Variants in NPFFR2 observed in about 807,000 individuals in gnomAD.
The protein encoded by NPFFR2 is G-protein coupled receptor 74.
NPFFR2 carries 15 observed loss-of-function variants against 13.1 expected under a neutral mutation model. The ratio of observed to expected loss-of-function variants is 1.15; its 90% CI spans 0.77 to 1.76. The LOEUF (loss-of-function observed/expected upper bound fraction) is 1.76. NPFFR2 is among the 40% of genes most tolerant of loss of function. The probability of loss-of-function intolerance (pLI) is 0.00; values close to 1 mark genes in which losing one functional copy is unlikely to be tolerated. For missense variants in NPFFR2, 572 were observed against 503.5 expected, an observed-to-expected ratio of 1.14 and a Z score of -1.30; for synonymous variants, 190 against 175.7, an observed-to-expected ratio of 1.08 and a Z score of -0.65.
intron 1 of NPFFR2, among the ~76,000 whole-genome samples, chr4:72,092,195 C>T (rs1334135873): frequency 7.3e-5 from 11 of 151,718 alleles, no homozygotes; most frequent in African/African-American, 1.9e-4. Flanking sequence ...CTATGGTCTG[C>T]GAGAGTACTT....
intron 1 of NPFFR2, among the ~76,000 whole-genome samples, chr4:72,074,493 A>G (rs6818737): frequency 0.9 from 136,785 of 152,012 alleles, 62,490 homozygotes; most frequent in Non-Finnish European, 0.98. Context: ...TCTGTGCCTA[A>G]TTTATAAATT....
At chr4:72,061,742 A>G (rs956775539) in intron 1 of NPFFR2, among the ~76,000 whole-genome samples, 1 of 152,096 alleles carries the variant, frequency 6.6e-6, no homozygotes, top group Non-Finnish European at 1.5e-5. Context: ...ATGAGAACAC[A>G]TGGACAGAAG....
At position 72,079,261 on chromosome 4, in the gene NPFFR2, A is replaced by T. The variant is rs1289317295; in HGVS notation, c.-8+47061A>T. 5.3e-5 allele frequency among the ~76,000 whole-genome samples: 8 copies of T among 152,030 alleles called. No individual in the cohort carries two copies. In the South Asian group the frequency reaches 1.7e-3, roughly 32 times the overall value. ...TATAGTTATCTCAAAATAAAATGTT[A>T]AAAAAAAGCAGGAGACAGACTATAA... On this transcript the variant is annotated intron_variant, in intron 1 of 3. Coordinates refer to ENST00000308744, the MANE Select transcript of NPFFR2 (RefSeq NM_004885.3).
In NPFFR2 at chr4:72,051,445, A is replaced by C. The variant is rs561905938; in HGVS notation, c.-8+19245A>C. ...GAAATAAAGATGTTCTTTGAAACCA[A>C]TGAGAGCAAAGACACAACATACCAG... On this transcript the variant is annotated intron_variant, in intron 1 of 3. Transcript: ENST00000308744. Among the ~76,000 whole-genome samples, 89 of 151,762 alleles carry C rather than the reference A, an allele frequency of 5.9e-4. 1 individual carries two copies. The highest frequency in any genetic ancestry group is 2.1e-3 in the African/African-American group (85 of 41,416).
At chr4:72,057,889 A>C (rs1208369856) in intron 1 of NPFFR2, among the ~76,000 whole-genome samples, 3 of 151,976 alleles carry the variant, frequency 2.0e-5, no homozygotes, top group African/African-American at 7.2e-5. Context: ...TGTCACTTCT[A>C]CCACATTTCT....
chr4:72,143,879 A>G (rs187062612), intron 3 of NPFFR2, among the ~76,000 whole-genome samples: 1 of 152,256 alleles, frequency 6.6e-6, no homozygotes, highest in Non-Finnish European at 1.5e-5. Context: ...TGTACTCACC[A>G]TTCTCTCCCC....
chr4:72,080,856 T>A lies in NPFFR2; in HGVS notation c.-7-47729T>A, dbSNP rs550482981. ...GGCGCTCGGCTTTTCCTCACTTTCC[T>A]CTACTCCACCAGCTCTTCTTCCCAA... On this transcript the variant is annotated intron_variant, in intron 1 of 3. Transcript: ENST00000308744. Among the ~76,000 whole-genome samples, 12 of 147,000 alleles carry A rather than the reference T, an allele frequency of 8.2e-5. 2 individuals are homozygous for A. Among genetic ancestry groups the A allele is most frequent in the African/African-American group, 3.3e-4 (12 of 36,654 alleles).
chr4:72,106,774 A>G (rs1269343830), intron 1 of NPFFR2, among the ~76,000 whole-genome samples: 1 of 152,036 alleles, frequency 6.6e-6, no homozygotes, highest in Non-Finnish European at 1.5e-5. Context: ...CATTTTATTT[A>G]TTATTAGGCT....
At chr4:72,051,375 G>A (rs1481565345) in intron 1 of NPFFR2, among the ~76,000 whole-genome samples, 5 of 152,148 alleles carry the variant, frequency 3.3e-5, no homozygotes, top group Non-Finnish European at 7.4e-5. Flanking sequence ...GAAACTGAAC[G>A]ACCTGCTCCT....
chr4:72,129,815 C>T (rs1281680435), intron 2 of NPFFR2, among the ~76,000 whole-genome samples: 21 of 34,938 alleles, frequency 6.0e-4, no homozygotes, highest in African/African-American at 2.9e-3. Flanking sequence ...TCCCTTCCCA[C>T]GAGGCCATAT....
chr4:72,082,636 A>G (rs1287563312), intron 1 of NPFFR2, among the ~76,000 whole-genome samples: 1 of 152,176 alleles, frequency 6.6e-6, no homozygotes, highest in Non-Finnish European at 1.5e-5. Context: ...ATCACCTCAT[A>G]TAAATCTGCA....
At chr4:72,064,475 G>A (rs1306219872) in intron 1 of NPFFR2, among the ~76,000 whole-genome samples, 1 of 152,162 alleles carries the variant, frequency 6.6e-6, no homozygotes, top group African/African-American at 2.4e-5. Context: ...GAGCAAGATG[G>A]ATGTCAATCT....
chr4:72,052,991 C>G (rs1719633884), intron 1 of NPFFR2, among the ~76,000 whole-genome samples: 1 of 151,832 alleles, frequency 6.6e-6, no homozygotes, highest in African/African-American at 2.4e-5. Flanking sequence ...TCCTGCCTTT[C>G]TGGACCAGCC....
chr4:72,137,056 T>C (rs961267820), intron 2 of NPFFR2, among the ~76,000 whole-genome samples: 4 of 152,168 alleles, frequency 2.6e-5, no homozygotes, highest in Non-Finnish European at 5.9e-5. Flanking sequence ...AATACTATCA[T>C]AAGCTAACAC....
At chr4:72,096,567 C>G (rs866735380) in intron 1 of NPFFR2, among the ~76,000 whole-genome samples, 1 of 151,978 alleles carries the variant, frequency 6.6e-6, no homozygotes, top group African/African-American at 2.4e-5. Context: ...AATTAAAATT[C>G]TTTTCGAGCA....
chr4:72,040,356 A>G (rs1719172989), intron 1 of NPFFR2, among the ~76,000 whole-genome samples: 1 of 152,102 alleles, frequency 6.6e-6, no homozygotes, highest in African/African-American at 2.4e-5. Context: ...GCCAACTTTC[A>G]CTTCTTCCAA....
At chr4:72,073,044 A>G (rs1342117152) in intron 1 of NPFFR2, among the ~76,000 whole-genome samples, 1 of 152,064 alleles carries the variant, frequency 6.6e-6, no homozygotes, top group Non-Finnish European at 1.5e-5. Context: ...TTTTAAAATG[A>G]TTCAACTATA....
chr4:72,106,624 T>C lies in NPFFR2; in HGVS notation c.-7-21961T>C, dbSNP rs116690224. Among the ~76,000 whole-genome samples, 448 of 152,086 alleles carry C rather than the reference T, an allele frequency of 2.9e-3. 2 individuals carry two copies. Among genetic ancestry groups the C allele is most frequent in the African/African-American group, 0.011 (440 of 41,510 alleles). The stretch of plus-strand genomic sequence containing the variant: ...AAAGAGAAGTAGGACTTTCCCTGCC[T>C]CTTTCTGCCACTCTAAACTTGCTCA... On this transcript the variant is annotated intron_variant, in intron 1 of 3. Coordinates refer to ENST00000308744, the MANE Select transcript of NPFFR2 (RefSeq NM_004885.3).
chr4:72,079,457 A>G (rs1387545521), intron 1 of NPFFR2, among the ~76,000 whole-genome samples: 1 of 152,186 alleles, frequency 6.6e-6, no homozygotes, highest in African/African-American at 2.4e-5. Context: ...AACTTATGTT[A>G]CCAATCAGCA....
Sources: gnomAD v4.1 joint callset for allele counts (sites outside exome capture counted in the v4.1 genomes callset) on GRCh38, gnomAD v4.1.1 for gene constraint, MANE v1.5 for transcripts, NCBI Gene and HGNC (gene_info 2026-07-23, HGNC 2026-07-21) for gene names.